RPS6KA2: variants seen among roughly 807,000 people sequenced by gnomAD.
RPS6KA2 encodes ribosomal protein S6 kinase alpha-2.
A neutral mutation model predicts 91.8 loss-of-function variants in RPS6KA2; 42 were observed. That is an observed-to-expected ratio of 0.46 (90% confidence interval 0.36 to 0.59). The LOEUF (loss-of-function observed/expected upper bound fraction) is 0.59, where lower values mean the gene tolerates loss of function less well. Among genes scored for constraint, RPS6KA2 ranks in the 20% least tolerant of loss-of-function variants. The pLI, the probability that RPS6KA2 is intolerant of heterozygous loss-of-function variation, is 0.00. For missense variants in RPS6KA2, 798 were observed against 978.5 expected (o/e 0.82, Z 2.46); for synonymous variants, 414 against 393.6 (o/e 1.05, Z -0.61).
chr6:166,436,885 G>A (rs573803138), intron 14 of RPS6KA2, among the ~76,000 whole-genome samples: 11 of 152,238 alleles, frequency 7.2e-5, no homozygotes, highest in African/African-American at 2.2e-4. Context: ...CTGGGCTCCC[G>A]CCTTCCCCTG....
At chr6:166,570,693 GC>G (rs1784661662) in intron 1 of RPS6KA2, among the ~76,000 whole-genome samples, 1 of 152,088 alleles carries the variant, frequency 6.6e-6, no homozygotes, top group South Asian at 2.1e-4. Flanking sequence ...ATCAAAATTA[GC>G]ATGACAGTGA....
rs189469327 is a variant in RPS6KA2, at chr6:166,698,758, G to C, written c.123+159442C>G. Among the ~76,000 whole-genome samples, 8 of 152,358 alleles carry C rather than the reference G, an allele frequency of 5.3e-5. 2 individuals carry two copies. The highest frequency in any genetic ancestry group is 5.2e-4 in the Admixed American group (8 of 15,312). Reference sequence around the variant, plus strand: ...GGCTGGTGGATGAGGTGGCGAACTCGTCAGCGGACGGGAGGTTCTGATAGG... The same window carrying C: ...GGCTGGTGGATGAGGTGGCGAACTCCTCAGCGGACGGGAGGTTCTGATAGG... On this transcript the variant is annotated intron_variant, in intron 2 of 21. Transcript: ENST00000503859.
At chr6:166,763,064 T>C (rs1778218443) in intron 2 of RPS6KA2, among the ~76,000 whole-genome samples, 2 of 151,980 alleles carry the variant, frequency 1.3e-5, no homozygotes, top group South Asian at 4.1e-4. Flanking sequence ...TCCAACAGAG[T>C]CTTAAGCTAA....
intron 2 of RPS6KA2, among the ~76,000 whole-genome samples, chr6:166,768,252 C>T (rs1242907891): frequency 1.3e-5 from 2 of 152,270 alleles, no homozygotes; most frequent in East Asian, 1.9e-4. Context: ...AACATCCTCC[C>T]CTTGGAACTG....
At chr6:166,831,284 C>T (rs574690799) in intron 2 of RPS6KA2, among the ~76,000 whole-genome samples, 202 of 152,308 alleles carry the variant, frequency 1.3e-3, no homozygotes, top group African/African-American at 4.6e-3. Context: ...GGACCGGAGG[C>T]CTCACCAGGG....
At chr6:166,796,383 G>C (rs1029657735) in intron 2 of RPS6KA2, among the ~76,000 whole-genome samples, 1 of 152,182 alleles carries the variant, frequency 6.6e-6, no homozygotes, top group African/African-American at 2.4e-5. Context: ...GAGGTCAAGA[G>C]ATAGAGACCA....
rs1445300890 is a variant in RPS6KA2, at chr6:166,666,459, A to C, written c.124-127675T>G. Among the ~76,000 whole-genome samples the C allele has an allele frequency of 1.3e-5, 2 of 152,244 alleles. No individual in the cohort carries two copies. The highest frequency in any genetic ancestry group is 3.8e-4 in the East Asian group (2 of 5,198). On this transcript the variant is annotated intron_variant, in intron 2 of 21. Transcript: ENST00000503859. The surrounding 1 kb of genome is among the most constrained non-coding windows in gnomAD (Gnocchi z 4.0). ...TATAAAATATAAGGATAATTTCACCAAAGAAGATATACAAATGACCAAGAA... is the reference window on the plus strand; with the variant it reads ...TATAAAATATAAGGATAATTTCACCCAAGAAGATATACAAATGACCAAGAA...
At chr6:166,601,646 G>C (rs1177050142) in intron 1 of RPS6KA2, among the ~76,000 whole-genome samples, 2 of 152,166 alleles carry the variant, frequency 1.3e-5, no homozygotes, top group Non-Finnish European at 2.9e-5. Context: ...CAGGTAAATG[G>C]AGAAAGGATG....
intron 2 of RPS6KA2, among the ~76,000 whole-genome samples, chr6:166,747,312 G>T (rs1791051132): frequency 1.3e-5 from 2 of 152,168 alleles, no homozygotes; most frequent in African/African-American, 2.4e-5. Flanking sequence ...ATTCCAAGGG[G>T]TTCAGGAAAT....
chr6:166,817,435 C>G (rs1379571158), intron 2 of RPS6KA2, among the ~76,000 whole-genome samples: 1 of 152,044 alleles, frequency 6.6e-6, no homozygotes, highest in East Asian at 1.9e-4. Flanking sequence ...AACCATAAAA[C>G]AGTAGAGCAG....
At chr6:166,723,679 C>T (rs1172059822) in intron 2 of RPS6KA2, among the ~76,000 whole-genome samples, 2 of 151,544 alleles carry the variant, frequency 1.3e-5, no homozygotes, top group East Asian at 3.9e-4. Flanking sequence ...GTCATAATTT[C>T]CTTTTTCTTT....
At chr6:166,675,533 C>T (rs554504480) in intron 2 of RPS6KA2, among the ~76,000 whole-genome samples, 10 of 152,204 alleles carry the variant, frequency 6.6e-5, no homozygotes, top group South Asian at 2.1e-4. Context: ...AGCCCCAGCG[C>T]GACGTGCTCC....
rs959756607 is a variant in RPS6KA2 at position 166,435,067 on chromosome 6, G to T, written c.1333-2577C>A. 6.6e-6 allele frequency among the ~76,000 whole-genome samples: 1 copy of T among 152,276 alleles called. No individual in the cohort carries two copies. The highest frequency in any genetic ancestry group is 1.9e-4 in the East Asian group (1 of 5,188). ...AGAATATATTGTCTATTCAAAATAT[G>T]AAATAAAGAATTCCAAAATTTCAGC... On this transcript the variant is annotated intron_variant, in intron 14 of 20. Transcript: ENST00000265678. This position sits in a 1 kb window ranked among gnomAD's most constrained non-coding sequence, Gnocchi z 4.3.
exon 1 of RPS6KA2, chr6:166,862,290 C>T (rs1172557030): frequency 4.5e-6 from 7 of 1,568,254 alleles, no homozygotes; most frequent in South Asian, 1.2e-5. Context: ...ACGCAGAGGC[C>T]GGCGGGTGGC....
intron 2 of RPS6KA2, among the ~76,000 whole-genome samples, chr6:166,785,552 G>C (rs9457208): frequency 0.22 from 32,745 of 152,246 alleles, 4,359 homozygotes; most frequent in African/African-American, 0.37. Context: ...GGTGCTCCTG[G>C]TTCGAGAGCT....
chr6:166,663,612 G>A (rs903068192), intron 2 of RPS6KA2, among the ~76,000 whole-genome samples: 6 of 152,192 alleles, frequency 3.9e-5, no homozygotes, highest in African/African-American at 1.4e-4. Flanking sequence ...GTGGCTTCCT[G>A]TCGAATAACT....
intron 2 of RPS6KA2, among the ~76,000 whole-genome samples, chr6:166,738,846 C>A (rs1400868644): frequency 2.0e-5 from 3 of 152,136 alleles, no homozygotes; most frequent in African/African-American, 7.2e-5. Context: ...TTTCCAGAGA[C>A]ATTAGAGGCC....
chr6:166,616,362 C>T (rs143989598), intron 1 of RPS6KA2, among the ~76,000 whole-genome samples: 1 of 152,092 alleles, frequency 6.6e-6, no homozygotes, highest in Non-Finnish European at 1.5e-5. Flanking sequence ...GGCAACAGCT[C>T]CCCTCACCAG....
chr6:166,714,425 C>T (rs138598014), intron 2 of RPS6KA2, among the ~76,000 whole-genome samples: 110 of 152,240 alleles, frequency 7.2e-4, no homozygotes, highest in African/African-American at 2.5e-3. Flanking sequence ...AATTGTATAC[C>T]CTCAAAAAGA....
Sources: gnomAD v4.1 joint callset for allele counts (sites outside exome capture counted in the v4.1 genomes callset) on GRCh38, gnomAD v4.1.1 for gene constraint, Gnocchi (gnomAD v3.1) non-coding constraint, MANE v1.5 for transcripts, NCBI Gene and HGNC (gene_info 2026-07-23, HGNC 2026-07-21) for gene names.